The following NRXN1 variants were observed in gnomAD, a reference collection of about 807,000 sequenced individuals.
NRXN1 encodes neurexin-1.
A neutral mutation model predicts 150.9 loss-of-function variants in NRXN1; 39 were observed. That is an observed-to-expected ratio of 0.26 (90% CI 0.20 to 0.34). The LOEUF (loss-of-function observed/expected upper bound fraction) is 0.34, where lower values mean the gene tolerates loss of function less well. NRXN1 is among the 10% of genes least tolerant of loss of function. The pLI, the probability that NRXN1 is intolerant of heterozygous loss-of-function variation, is 1.00. For synonymous variants in NRXN1, 924 were observed against 757.0 expected (o/e 1.22, Z -3.62); for missense variants, 1,815 against 1,949.9 (o/e 0.93, Z 1.30).
intron 19 of NRXN1, among the ~76,000 whole-genome samples, chr2:50,088,460 G>GTAAAA (rs1699099100): frequency 2.0e-5 from 3 of 152,010 alleles, no homozygotes; most frequent in Admixed American, 6.6e-5. Flanking sequence ...CTTGAGGGCC[G>GTAAAA]ACTCTGTGTT....
At chr2:50,088,829 C>G (rs1699161365) in intron 19 of NRXN1, among the ~76,000 whole-genome samples, 1 of 152,058 alleles carries the variant, frequency 6.6e-6, no homozygotes, top group South Asian at 2.1e-4. Context: ...TAGTCTGCTA[C>G]AAGAACACAG....
intron 17 of NRXN1, among the ~76,000 whole-genome samples, chr2:50,279,056 C>T (rs1317560524): frequency 1.3e-5 from 2 of 152,118 alleles, no homozygotes; most frequent in African/African-American, 2.4e-5. Context: ...TGGGTTTAAA[C>T]ATTTTGATAT....
chr2:50,640,264 G>C (rs1683879815), intron 5 of NRXN1, among the ~76,000 whole-genome samples: 1 of 152,106 alleles, frequency 6.6e-6, no homozygotes, highest in Non-Finnish European at 1.5e-5. Flanking sequence ...AAAACGCAGA[G>C]TTTAGAGAGA....
At chr2:50,041,298 A>T (rs1444794289) in intron 21 of NRXN1, among the ~76,000 whole-genome samples, 1 of 152,068 alleles carries the variant, frequency 6.6e-6, no homozygotes, top group Non-Finnish European at 1.5e-5. Flanking sequence ...ATTTGCCTAT[A>T]AAAAAATCAT....
chr2:50,404,045 T>C (rs2082578527), intron 17 of NRXN1, among the ~76,000 whole-genome samples: 1 of 152,126 alleles, frequency 6.6e-6, no homozygotes, highest in Non-Finnish European at 1.5e-5. Context: ...GGATGGGTAT[T>C]AGAAAGAAAA....
At chr2:50,417,488 A>T (rs2083628383) in intron 17 of NRXN1, among the ~76,000 whole-genome samples, 1 of 151,930 alleles carries the variant, frequency 6.6e-6, no homozygotes, top group African/African-American at 2.4e-5. Flanking sequence ...ACAATGTTAA[A>T]ACCCTGATAT....
chr2:50,774,565 T>C (rs1474163640), intron 5 of NRXN1, among the ~76,000 whole-genome samples: 3 of 152,172 alleles, frequency 2.0e-5, no homozygotes, highest in Non-Finnish European at 4.4e-5. Context: ...ACTAAATGTA[T>C]GGTATACTTT....
intron 21 of NRXN1, among the ~76,000 whole-genome samples, chr2:50,017,196 A>G (rs1425681939): frequency 6.6e-6 from 1 of 152,148 alleles, no homozygotes; most frequent in Non-Finnish European, 1.5e-5. Context: ...TCTGGATGCT[A>G]GATGTGATAT....
At position 50,282,816 on chromosome 2, in the gene NRXN1, C is replaced by T. The variant is rs185872435; in HGVS notation, c.3365-45846G>A. The stretch of plus-strand genomic sequence containing the variant: ...GAGCAGCAAAATAATTTTGAGTAGT[C>T]GAGGCAAACAGATATCCATGTGCTT... On this transcript the variant is annotated intron_variant, in intron 17 of 22. Coordinates refer to ENST00000401669, the MANE Select transcript of NRXN1 (RefSeq NM_001330078.2). 1.2e-4 allele frequency among the ~76,000 whole-genome samples: 19 copies of T among 152,086 alleles called. No homozygotes were observed. In the East Asian group the frequency reaches 2.3e-3, roughly 19 times the overall value.
chr2:50,138,616 T>A (rs1338112917), intron 18 of NRXN1, among the ~76,000 whole-genome samples: 1 of 152,252 alleles, frequency 6.6e-6, no homozygotes, highest in African/African-American at 2.4e-5. Flanking sequence ...AAAACTCCAT[T>A]ATTTCATTCC....
intron 5 of NRXN1, among the ~76,000 whole-genome samples, chr2:50,819,223 C>A (rs1200794227): frequency 6.6e-6 from 1 of 152,186 alleles, no homozygotes; most frequent in Non-Finnish European, 1.5e-5. Context: ...GAAGAGGCAT[C>A]TGCACTTCTG....
chr2:50,140,324 A>C (rs1574126368), intron 18 of NRXN1, among the ~76,000 whole-genome samples: 1 of 152,314 alleles, frequency 6.6e-6, no homozygotes, highest in African/African-American at 2.4e-5. Flanking sequence ...CTTGTGACCA[A>C]GAATTTTCAT....
At chr2:50,092,121 C>T (rs984952961) in intron 18 of NRXN1, among the ~76,000 whole-genome samples, 4 of 152,182 alleles carry the variant, frequency 2.6e-5, no homozygotes, top group Non-Finnish European at 4.4e-5. Flanking sequence ...ATAATAGAGA[C>T]GTACGAAAAC....
intron 17 of NRXN1, among the ~76,000 whole-genome samples, chr2:50,441,029 AG>A (rs2085904585): frequency 6.6e-6 from 1 of 152,204 alleles, no homozygotes; most frequent in Admixed American, 6.5e-5. Flanking sequence ...ACAGATTTTA[AG>A]CAATTGAAAT....
intron 5 of NRXN1, among the ~76,000 whole-genome samples, chr2:50,743,682 G>A (rs1014780077): frequency 3.9e-5 from 6 of 152,062 alleles, no homozygotes; most frequent in South Asian, 4.1e-4. Context: ...TAACCATCAC[G>A]TGATCTTTTA....
intron 21 of NRXN1, among the ~76,000 whole-genome samples, chr2:50,016,875 T>A (rs912551118): frequency 3.9e-5 from 6 of 152,152 alleles, no homozygotes; most frequent in African/African-American, 1.4e-4. Context: ...TACAATGAAG[T>A]GAGAAGCCTG....
intron 12 of NRXN1, among the ~76,000 whole-genome samples, chr2:50,526,226 T>A (rs954782898): frequency 8.5e-5 from 13 of 152,192 alleles, no homozygotes; most frequent in African/African-American, 3.1e-4. Flanking sequence ...AGTTTAATAT[T>A]AGTCTTTAAT....
intron 5 of NRXN1, among the ~76,000 whole-genome samples, chr2:50,819,679 G>A (rs1351175337): frequency 6.6e-6 from 1 of 151,692 alleles, no homozygotes; most frequent in Non-Finnish European, 1.5e-5. Context: ...TAAATTACAT[G>A]TTATGTTTTT....
intron 19 of NRXN1, among the ~76,000 whole-genome samples, chr2:50,066,322 A>G (rs533471762): frequency 3.3e-5 from 5 of 152,322 alleles, no homozygotes; most frequent in African/African-American, 1.2e-4. Flanking sequence ...GAGGAAAGTT[A>G]AAAAATAAAA....
Sources: gnomAD v4.1 joint callset for allele counts (sites outside exome capture counted in the v4.1 genomes callset) on GRCh38, gnomAD v4.1.1 for gene constraint, MANE v1.5 for transcripts, NCBI Gene and HGNC (gene_info 2026-07-23, HGNC 2026-07-21) for gene names.